Variants in DCDC2C observed in about 807,000 individuals in gnomAD.
DCDC2C encodes the protein doublecortin domain containing 2C.
Under a neutral mutation model 45.0 loss-of-function variants are expected in DCDC2C, and 44 were observed. That is an observed-to-expected ratio of 0.98 (90% confidence interval 0.77 to 1.26). DCDC2C has a LOEUF of 1.26. DCDC2C is among the 50% of genes most tolerant of loss of function. The pLI, the probability that DCDC2C is intolerant of heterozygous loss-of-function variation, is 0.00. For missense variants in DCDC2C, 447 were observed against 468.9 expected, an observed-to-expected ratio of 0.95 and a Z score of 0.43; for synonymous variants, 187 against 178.8, an observed-to-expected ratio of 1.05 and a Z score of -0.37.
intron 9 of DCDC2C, among the ~76,000 whole-genome samples, chr2:3,783,125 C>G (rs1670560216): frequency 6.6e-6 from 1 of 152,140 alleles, no homozygotes; most frequent in Non-Finnish European, 1.5e-5. Flanking sequence ...CTCTGATTCT[C>G]AGTTATCGAC....
chr2:3,839,408 A>T (rs936025429), intron 10 of DCDC2C, among the ~76,000 whole-genome samples: 2 of 152,250 alleles, frequency 1.3e-5, no homozygotes, highest in African/African-American at 4.8e-5. Flanking sequence ...AAATAAATGA[A>T]AATAAAAACT....
intron 10 of DCDC2C, among the ~76,000 whole-genome samples, chr2:3,813,717 G>A (rs1179876648): frequency 7.1e-6 from 1 of 140,168 alleles, no homozygotes; most frequent in Non-Finnish European, 1.5e-5. Context: ...TCAGAGACTA[G>A]GATTGCAACC....
At chr2:3,794,369 TTTA>T (rs1034708405) in intron 10 of DCDC2C, among the ~76,000 whole-genome samples, 4 of 152,132 alleles carry the variant, frequency 2.6e-5, no homozygotes, top group African/African-American at 7.2e-5. Context: ...TTTAAATTTA[TTTA>T]TTATTATTAT....
intron 2 of DCDC2C, chr2:3,725,895 T>A (rs200008006): frequency 0.097 from 7,444 of 76,502 alleles, 232 homozygotes; most frequent in East Asian, 0.16. Context: ...AAGCAGAGAG[T>A]GACGAGGCTG....
At chr2:3,727,654 G>T (rs116764134) in intron 3 of DCDC2C, among the ~76,000 whole-genome samples, 1,594 of 152,342 alleles carry the variant, frequency 0.01, 33 homozygotes, top group African/African-American at 0.036. Context: ...AGGCACTGGG[G>T]ATAGTTGTGA....
intron 2 of DCDC2C, among the ~76,000 whole-genome samples, chr2:3,723,522 TGCAGAGACATG>T (rs1424675886): frequency 6.6e-6 from 1 of 151,882 alleles, no homozygotes; most frequent in Admixed American, 6.6e-5. Context: ...CTGGGAGGGG[TGCAGAGACATG>T]GCAGAGAGGC....
At position 3,829,334 on chromosome 2, in the gene DCDC2C, T is replaced by A. The variant is rs1452411562; in HGVS notation, c.1066-17820T>A. Among the ~76,000 whole-genome samples, 14 of 149,576 alleles carry A rather than the reference T, an allele frequency of 9.4e-5. No homozygotes were observed. In the Admixed American group the frequency reaches 9.4e-4, roughly 10 times the overall value. ...TTTAGTCAATCTGGCAACTAAGGAA[T>A]GGTTAAAAATGAATTTTTAACATTT... On this transcript the variant is annotated intron_variant, in intron 10 of 10. Transcript: ENST00000399143.
At chr2:3,790,952 T>TA (rs1009315996) in intron 10 of DCDC2C, among the ~76,000 whole-genome samples, 44 of 151,562 alleles carry the variant, frequency 2.9e-4, no homozygotes, top group African/African-American at 9.9e-4. Context: ...ACTAAAAATA[T>TA]AAAAAAAATG....
chr2:3,788,283 A>G (rs981618844), intron 10 of DCDC2C: 2 of 152,208 alleles, frequency 1.3e-5, no homozygotes, highest in Non-Finnish European at 2.9e-5. Context: ...CTAAATGTTG[A>G]ACTATCCTAC....
In DCDC2C at chr2:3,847,432, C is replaced by G. The variant is rs1278504853; in HGVS notation, c.*249C>G. The G allele has an allele frequency of 6.2e-6, 2 of 321,064 alleles. No homozygotes were observed. Among genetic ancestry groups the G allele is most frequent in the Non-Finnish European group, 5.6e-6 (1 of 177,350 alleles). The allele number at this position is 321,064 out of a possible 1,614,324, so 19.9% of individuals were successfully genotyped here. A position where few individuals can be genotyped will look rare whatever the true frequency, so the allele number is the denominator to read the frequency against. ...TGAAACGTGGTTCTTTATCATTAAG[C>G]CCCCAAAAGATCATTCAGAAAGTGA... On this transcript the variant is annotated 3_prime_UTR_variant, in exon 11 of 11. Transcript: ENST00000399143.
At chr2:3,715,416 C>T (rs1044236412) in intron 2 of DCDC2C, among the ~76,000 whole-genome samples, 3 of 152,170 alleles carry the variant, frequency 2.0e-5, no homozygotes, top group African/African-American at 7.2e-5. Flanking sequence ...TTTCCCAACA[C>T]ATTGCCATGC....
At chr2:3,799,856 C>A (rs952967244) in intron 10 of DCDC2C, among the ~76,000 whole-genome samples, 4 of 152,384 alleles carry the variant, frequency 2.6e-5, no homozygotes, top group Non-Finnish European at 5.9e-5. Context: ...GTGGAGCCTG[C>A]AGAGGCAGGC....
At chr2:3,758,198 A>G (rs535262434) in intron 6 of DCDC2C, among the ~76,000 whole-genome samples, 2 of 152,212 alleles carry the variant, frequency 1.3e-5, no homozygotes, top group Non-Finnish European at 2.9e-5. Context: ...GCTGTGTATC[A>G]TTGATTCTAT....
intron 10 of DCDC2C, among the ~76,000 whole-genome samples, chr2:3,837,905 A>T (rs1170667835): frequency 1.3e-5 from 2 of 152,070 alleles, no homozygotes; most frequent in African/African-American, 4.8e-5. Context: ...CCGGGAGGTG[A>T]GGAAGTGTGG....
intron 10 of DCDC2C, among the ~76,000 whole-genome samples, chr2:3,837,108 CCT>C (rs553877935): frequency 2.2e-3 from 337 of 152,248 alleles, no homozygotes; most frequent in African/African-American, 7.8e-3. Flanking sequence ...CTGCTGGACC[CCT>C]GAGACGCTTC....
chr2:3,724,533 G>A (rs1259463674), intron 2 of DCDC2C, among the ~76,000 whole-genome samples: 3 of 152,202 alleles, frequency 2.0e-5, no homozygotes, highest in Non-Finnish European at 4.4e-5. Context: ...CTCTCTCACT[G>A]TGCATCTGGG....
chr2:3,835,750 CT>C (rs767073694), intron 10 of DCDC2C, among the ~76,000 whole-genome samples: 163 of 148,328 alleles, frequency 1.1e-3, no homozygotes, highest in African/African-American at 3.1e-3. Context: ...GGACAAGATC[CT>C]TTTTTTTTTC....
At chr2:3,710,899 G>A (rs867090322) in intron 2 of DCDC2C, among the ~76,000 whole-genome samples, 5 of 152,124 alleles carry the variant, frequency 3.3e-5, no homozygotes, top group Admixed American at 2.0e-4. Flanking sequence ...TTGCTATACC[G>A]AATAGTGCTG....
intron 9 of DCDC2C, among the ~76,000 whole-genome samples, chr2:3,780,814 G>T (rs922069121): frequency 6.6e-6 from 1 of 152,204 alleles, no homozygotes; most frequent in Non-Finnish European, 1.5e-5. Context: ...TCGGCGTCAC[G>T]CAGGAGGTGA....
Sources: gnomAD v4.1 joint callset for allele counts (sites outside exome capture counted in the v4.1 genomes callset) on GRCh38, gnomAD v4.1.1 for gene constraint, MANE v1.5 for transcripts, NCBI Gene and HGNC (gene_info 2026-07-23, HGNC 2026-07-21) for gene names.